Variants in VMP1 observed in about 807,000 individuals in gnomAD.
VMP1 encodes the protein vacuole membrane protein 1.
A neutral mutation model predicts 56.0 loss-of-function variants in VMP1; 11 were observed. That is an observed-to-expected ratio of 0.20 (90% CI 0.12 to 0.32). The LOEUF (loss-of-function observed/expected upper bound fraction) is 0.32. Among genes scored for constraint, VMP1 ranks in the 10% least tolerant of loss-of-function variants. VMP1 has a pLI of 1.00. For missense variants in VMP1, 296 were observed against 490.3 expected, an observed-to-expected ratio of 0.60 and a Z score of 3.74; for synonymous variants, 149 against 165.0, an observed-to-expected ratio of 0.90 and a Z score of 0.74.
At chr17:59,779,412 C>T (rs1012541909) in intron 7 of VMP1, among the ~76,000 whole-genome samples, 1 of 152,194 alleles carries the variant, frequency 6.6e-6, no homozygotes, top group African/African-American at 2.4e-5. Flanking sequence ...TTTGCATTCT[C>T]CTTGTTTTCA....
intron 7 of VMP1, among the ~76,000 whole-genome samples, chr17:59,802,021 C>T (rs1018440094): frequency 4.6e-5 from 7 of 151,460 alleles, no homozygotes; most frequent in African/African-American, 1.2e-4. Flanking sequence ...GCCAACATCG[C>T]GAAACCCCAT....
At chr17:59,724,352 G>A (rs1047427652) in intron 1 of VMP1, among the ~76,000 whole-genome samples, 3 of 152,230 alleles carry the variant, frequency 2.0e-5, no homozygotes, top group African/African-American at 4.8e-5. Context: ...AAGTTTATTA[G>A]CAGGAATCAT....
chr17:59,808,150 A>C (rs2037915561), intron 7 of VMP1, among the ~76,000 whole-genome samples: 1 of 152,236 alleles, frequency 6.6e-6, no homozygotes, highest in African/African-American at 2.4e-5. Context: ...ATATTGAATC[A>C]TGTCCTATCT....
chr17:59,736,883 A>G (rs1202860015), intron 3 of VMP1, among the ~76,000 whole-genome samples: 1 of 151,278 alleles, frequency 6.6e-6, no homozygotes, highest in African/African-American at 2.4e-5. Context: ...TCTACTAAAA[A>G]TACAAAAATT....
intron 1 of VMP1, among the ~76,000 whole-genome samples, chr17:59,726,602 A>G (rs2034616729): frequency 1.3e-5 from 2 of 152,088 alleles, no homozygotes; most frequent in South Asian, 2.1e-4. Context: ...CCAAACCCAC[A>G]TAGTTTTAAG....
At position 59,722,318 on chromosome 17, in the gene VMP1, G is replaced by A. The variant is rs1226702528; in HGVS notation, c.-26-9103G>A. 2.6e-5 allele frequency among the ~76,000 whole-genome samples: 4 copies of A among 152,268 alleles called. No homozygotes were observed. In the East Asian group the frequency reaches 7.7e-4, roughly 29 times the overall value. On this transcript the variant is annotated intron_variant, in intron 1 of 11. Coordinates refer to ENST00000262291, the MANE Select transcript of VMP1 (RefSeq NM_030938.5). ...AAGCCGTTGGTAATCATGATGCTGT[G>A]TGCCCCAGTAGATAGGAGATTTATA...
At chr17:59,744,432 G>A (rs1201263851) in intron 5 of VMP1, among the ~76,000 whole-genome samples, 9 of 145,168 alleles carry the variant, frequency 6.2e-5, no homozygotes, top group Non-Finnish European at 1.4e-4. Context: ...ACTGCACCCC[G>A]GCCTGGGCAA....
intron 5 of VMP1, among the ~76,000 whole-genome samples, chr17:59,751,556 A>G (rs1446112493): frequency 6.6e-6 from 1 of 150,574 alleles, no homozygotes; most frequent in East Asian, 2.0e-4. Flanking sequence ...AGCCTGGCCA[A>G]CATGGTGAAA....
intron 10 of VMP1, among the ~76,000 whole-genome samples, chr17:59,831,666 G>T (rs1314740489): frequency 3.6e-5 from 5 of 140,568 alleles, no homozygotes; most frequent in African/African-American, 5.3e-5. Context: ...GTTTGTCTTA[G>T]GTCTGTTTAA....
At chr17:59,761,444 A>G (rs2036051237) in intron 5 of VMP1, among the ~76,000 whole-genome samples, 1 of 152,170 alleles carries the variant, frequency 6.6e-6, no homozygotes, top group Non-Finnish European at 1.5e-5. Flanking sequence ...CCACTATAGA[A>G]CATTGATGTG....
chr17:59,737,548 G>C lies in VMP1; in HGVS notation c.303+5G>C. Reference sequence around the variant, plus strand: ...GTTGAAGGAGTGCATCAACAGGTGAGAGGTCGAGCAATTCTGTTTCTAGTC... The same window carrying C: ...GTTGAAGGAGTGCATCAACAGGTGACAGGTCGAGCAATTCTGTTTCTAGTC... On this transcript the variant is annotated splice_donor_5th_base_variant and intron_variant, in intron 4 of 11. Transcript: ENST00000262291. The C allele has an allele frequency of 6.2e-7, 1 of 1,601,026 alleles. No homozygotes were observed. Among genetic ancestry groups the C allele is most frequent in the Middle Eastern group, 1.7e-4 (1 of 6,022 alleles).
chr17:59,744,764 C>T (rs56236317), intron 5 of VMP1, among the ~76,000 whole-genome samples: 39,515 of 151,314 alleles, frequency 0.26, 5,525 homozygotes, highest in East Asian at 0.44. Context: ...AAAGAGAGAT[C>T]TAGTATATGC....
chr17:59,772,369 A>G (rs1473959312), intron 6 of VMP1, among the ~76,000 whole-genome samples: 1 of 152,212 alleles, frequency 6.6e-6, no homozygotes, highest in Non-Finnish European at 1.5e-5. Flanking sequence ...TTGTGAATAC[A>G]AAATATTTGA....
At chr17:59,726,540 C>T (rs915111320) in intron 1 of VMP1, among the ~76,000 whole-genome samples, 11 of 152,088 alleles carry the variant, frequency 7.2e-5, no homozygotes, top group Non-Finnish European at 1.0e-4. Context: ...GTGATCTGCC[C>T]GCCTCAGCCT....
chr17:59,781,019 T>C (rs1032948173), intron 7 of VMP1, among the ~76,000 whole-genome samples: 2 of 152,186 alleles, frequency 1.3e-5, no homozygotes, highest in African/African-American at 4.8e-5. Flanking sequence ...AGATAAGGTG[T>C]ATAAGATTTT....
At chr17:59,797,569 G>A (rs2037487762) in intron 7 of VMP1, among the ~76,000 whole-genome samples, 2 of 152,046 alleles carry the variant, frequency 1.3e-5, no homozygotes, top group African/African-American at 4.8e-5. Flanking sequence ...AGGACATACT[G>A]TATAATTCCA....
In VMP1 at chr17:59,731,979, G is replaced by A. The variant is rs145950713; in HGVS notation, c.76+457G>A. The stretch of plus-strand genomic sequence containing the variant: ...ATTGGAATTTGTGGTAAATTTCAGT[G>A]TATTTGACTCCTGTTTATACAGTTA... On this transcript the variant is annotated intron_variant, in intron 2 of 11. Transcript: ENST00000262291. Among the ~76,000 whole-genome samples the A allele has an allele frequency of 2.6e-3, 391 of 152,150 alleles. 1 individual carries two copies. The highest frequency in any genetic ancestry group is 8.4e-3 in the African/African-American group (348 of 41,506).
intron 1 of VMP1, among the ~76,000 whole-genome samples, chr17:59,721,802 G>T (rs1417393000): frequency 6.6e-6 from 1 of 152,206 alleles, no homozygotes; most frequent in African/African-American, 2.4e-5. Flanking sequence ...GTATTGCTCT[G>T]CCAGGGTTGT....
In VMP1 at chr17:59,794,325, C is replaced by A. The variant is rs1197457889; in HGVS notation, c.715-14471C>A. ...GCAACCTCTGCCTCCCGGGTTCAAG[C>A]AGTTCTGCCTTAGCCTCGTGAGTAG... On this transcript the variant is annotated intron_variant, in intron 7 of 11. Coordinates refer to ENST00000262291, the MANE Select transcript of VMP1 (RefSeq NM_030938.5). Among the ~76,000 whole-genome samples, 11 of 142,698 alleles carry A rather than the reference C, an allele frequency of 7.7e-5. No homozygotes were observed. The Admixed American group carries it at 8.1e-4, about 10-fold the overall frequency. The allele number at this position is 142,698 out of a possible 152,430, so 93.6% of individuals were successfully genotyped here.
Sources: gnomAD v4.1 joint callset for allele counts (sites outside exome capture counted in the v4.1 genomes callset) on GRCh38, gnomAD v4.1.1 for gene constraint, MANE v1.5 for transcripts, NCBI Gene and HGNC (gene_info 2026-07-23, HGNC 2026-07-21) for gene names.